Variants in RAB40A observed in about 807,000 individuals in gnomAD.
The protein encoded by RAB40A is RAB40A, member RAS oncogene family.
For synonymous variants in RAB40A, 65 were observed against 99.9 expected (o/e 0.65, Z 2.08); for missense variants, 145 against 230.2 (o/e 0.63, Z 2.40).
intron 2 of RAB40A, chrX:103,501,028 C>T (rs999667599): frequency 1.7e-4 from 63 of 377,880 alleles, no homozygotes; most frequent in Non-Finnish European, 9.2e-5. Flanking sequence ...TCCCTTAAAA[C>T]TTTCATGTGA....
intron 2 of RAB40A, among the ~76,000 whole-genome samples, chrX:103,515,803 A>G (rs2073313897): frequency 8.9e-6 from 1 of 112,024 alleles, no homozygotes; most frequent in Admixed American, 9.5e-5. Flanking sequence ...TATCCAGATT[A>G]TGAAACAACA....
In RAB40A at chrX:103,500,817, C is replaced by A; in HGVS notation, c.-61G>T. The A allele has an allele frequency of 3.5e-6, 4 of 1,152,349 alleles. No homozygotes were observed. Among genetic ancestry groups the A allele is most frequent in the South Asian group, 2.1e-5 (1 of 48,232 alleles). The allele number at this position is 1,152,349 out of a possible 1,213,427, so 95.0% of individuals were successfully genotyped here. On this transcript the variant is annotated 5_prime_UTR_variant, in exon 3 of 3. Coordinates refer to ENST00000304236, the MANE Select transcript of RAB40A (RefSeq NM_080879.3). ...GCGGGGTTGTGCGCAGAGGTGGTGC[C>A]GGGCCTGTTCTTCTTGAGAAATTAG... is the stretch of plus-strand genomic sequence containing the variant.
intron 2 of RAB40A, among the ~76,000 whole-genome samples, chrX:103,512,495 C>T (rs2073296038): frequency 9.0e-6 from 1 of 111,262 alleles, no homozygotes; most frequent in African/African-American, 3.3e-5. Flanking sequence ...GAAACAACCG[C>T]TCCTCTTTAT....
At chrX:103,495,705 T>G (rs1434736377), downstream of RAB40A, among the ~76,000 whole-genome samples, 1 of 112,310 alleles carries the variant, frequency 8.9e-6, no homozygotes, top group Non-Finnish European at 1.9e-5. Context: ...TATACCACAT[T>G]TTATCCATGT....
chrX:103,507,304 C>A (rs991584012), intron 2 of RAB40A, among the ~76,000 whole-genome samples: 2 of 111,578 alleles, frequency 1.8e-5, no homozygotes, highest in Non-Finnish European at 3.8e-5. Context: ...CAAATCATTG[C>A]CAATTGTTTT....
chrX:103,495,527 A>T (rs1291381422), downstream of RAB40A, among the ~76,000 whole-genome samples: 1 of 111,435 alleles, frequency 9.0e-6, no homozygotes, highest in Non-Finnish European at 1.9e-5. Context: ...GCCCTAGGCA[A>T]TCACAGATAT....
chrX:103,498,901 T>C (rs1426285850), downstream of RAB40A, among the ~76,000 whole-genome samples: 1 of 112,307 alleles, frequency 8.9e-6, no homozygotes, highest in African/African-American at 3.2e-5. Context: ...CTTTCCCATC[T>C]AAGGTCTCAG....
At chrX:103,494,229 T>A (rs1759979996), downstream of RAB40A, among the ~76,000 whole-genome samples, 5 of 112,469 alleles carry the variant, frequency 4.4e-5, no homozygotes, top group South Asian at 1.8e-3. Context: ...CATTTGTATG[T>A]CTTCTTTAGA....
chrX:103,501,881 G>A (rs1304306907), intron 2 of RAB40A: 1 of 123,170 alleles, frequency 8.1e-6, no homozygotes, highest in Non-Finnish European at 1.9e-5. Context: ...TCTGTGTATG[G>A]GGGCAGGATG....
intron 2 of RAB40A, among the ~76,000 whole-genome samples, chrX:103,512,309 G>GT (rs369215990): frequency 0.015 from 1,548 of 103,695 alleles, 23 homozygotes; most frequent in South Asian, 0.067. Context: ...TTGGTTAGCT[G>GT]TTTTTTTTTT....
intron 2 of RAB40A, among the ~76,000 whole-genome samples, chrX:103,511,729 G>A (rs2073291300): frequency 9.0e-6 from 1 of 110,718 alleles, no homozygotes; most frequent in Admixed American, 9.6e-5. Context: ...ATAGCATTAG[G>A]AGAAATACCT....
At chrX:103,509,999 T>C (rs1409986128) in intron 2 of RAB40A, among the ~76,000 whole-genome samples, 5 of 110,439 alleles carry the variant, frequency 4.5e-5, no homozygotes, top group African/African-American at 6.6e-5. Flanking sequence ...AGAGACAGGG[T>C]TTCACCATGT....
intron 2 of RAB40A, among the ~76,000 whole-genome samples, chrX:103,505,785 A>T (rs1198865926): frequency 5.4e-5 from 6 of 111,114 alleles, no homozygotes; most frequent in Admixed American, 9.5e-5. Flanking sequence ...ATTTATTATT[A>T]TTTTTTCCTT....
chrX:103,500,955 C>T, intron 2 of RAB40A, 129 bp from the exon 3 acceptor site: 1 of 758,617 alleles, frequency 1.3e-6, no homozygotes, highest in Non-Finnish European at 1.9e-6. Context: ...GATTGTTTTC[C>T]TTTTTCTTAC....
At chrX:103,518,517 G>A (rs926829820) in intron 1 of RAB40A, among the ~76,000 whole-genome samples, 5 of 110,412 alleles carry the variant, frequency 4.5e-5, no homozygotes, top group African/African-American at 1.6e-4. Context: ...GATGAATCTG[G>A]ACCAAACTAT....
chrX:103,507,411 G>GT (rs756759324), intron 2 of RAB40A, among the ~76,000 whole-genome samples: 7,755 of 108,840 alleles, frequency 0.071, 706 homozygotes, highest in African/African-American at 0.25. Context: ...GTCTTTAGTG[G>GT]TTTTTTTTCC....
downstream of RAB40A, among the ~76,000 whole-genome samples, chrX:103,494,185 A>G (rs558455254): frequency 1.1e-4 from 12 of 112,373 alleles, no homozygotes; most frequent in East Asian, 2.8e-4. Flanking sequence ...CTGATGATCA[A>G]TGAAGTTGAG....
chrX:103,515,235 G>T (rs2073310787), intron 2 of RAB40A, among the ~76,000 whole-genome samples: 2 of 111,957 alleles, frequency 1.8e-5, no homozygotes, highest in Admixed American at 1.9e-4. Context: ...CTCCTTTCTG[G>T]GGTTGAAACA....
rs776255288 is a variant in RAB40A, at chrX:103,503,741, T to C, written c.-70-2915A>G. Among the ~76,000 whole-genome samples, 16 of 110,988 alleles carry C rather than the reference T, an allele frequency of 1.4e-4. No individual in the cohort carries two copies. The South Asian group carries it at 5.5e-3, about 38-fold the overall frequency. ...GGAATTATTCACCTAACGATAGCAA[T>C]CTCTGTGTATTAGTCATGTTCTGGT... On this transcript the variant is annotated intron_variant, in intron 2 of 2. Coordinates refer to ENST00000304236, the MANE Select transcript of RAB40A (RefSeq NM_080879.3).
Sources: allele counts gnomAD v4.1 joint callset (sites outside exome capture counted in the v4.1 genomes callset), GRCh38; gene constraint gnomAD v4.1.1; transcripts MANE v1.5; gene names NCBI Gene and HGNC (gene_info 2026-07-23, HGNC 2026-07-21).